Variants in KLHL13 observed in about 807,000 individuals in gnomAD.
KLHL13 encodes kelch-like protein 13.
Under a neutral mutation model 37.1 loss-of-function variants are expected in KLHL13, and 10 were observed. That is an observed-to-expected ratio of 0.27 (90% confidence interval 0.17 to 0.46). The LOEUF (loss-of-function observed/expected upper bound fraction) is 0.46. Ranked by LOEUF, KLHL13 falls within the 20% of genes least tolerant of loss-of-function variation. The probability of loss-of-function intolerance (pLI) is 1.00; values close to 1 mark genes in which losing one functional copy is unlikely to be tolerated. For synonymous variants in KLHL13, 163 were observed against 181.2 expected (o/e 0.90, Z 0.81); for missense variants, 360 against 509.3 (o/e 0.71, Z 2.82).
chrX:117,908,066 A>ATTAT (rs78358758), intron 5 of KLHL13, among the ~76,000 whole-genome samples: 6,227 of 99,139 alleles, frequency 0.063, 234 homozygotes, highest in African/African-American at 0.069. Context: ...CTACAAGGAC[A>ATTAT]TTATTTATTT....
intron 1 of KLHL13, among the ~76,000 whole-genome samples, chrX:118,079,373 A>T (rs1257869409): frequency 5.4e-5 from 6 of 110,902 alleles, no homozygotes; most frequent in Non-Finnish European, 1.1e-4. Context: ...TGATGATATA[A>T]TTCTATTATT....
chrX:118,046,043 CA>C (rs1157611881), intron 1 of KLHL13, among the ~76,000 whole-genome samples: 2 of 111,829 alleles, frequency 1.8e-5, no homozygotes, highest in Non-Finnish European at 3.8e-5. Flanking sequence ...CTGCTAATTA[CA>C]AACCCCAAAG....
intron 1 of KLHL13, among the ~76,000 whole-genome samples, chrX:118,094,675 G>C (rs1427776414): frequency 2.7e-5 from 3 of 111,823 alleles, no homozygotes; most frequent in South Asian, 7.6e-4. Context: ...AAGCCCATCA[G>C]ACTAACAGCT....
intron 1 of KLHL13, among the ~76,000 whole-genome samples, chrX:118,052,565 C>A (rs1199265754): frequency 9.5e-6 from 1 of 105,544 alleles, no homozygotes; most frequent in East Asian, 3.0e-4. Context: ...CAGTGGCTCA[C>A]GCCTGTAATC....
At chrX:117,926,824 G>C (rs1250842498) in intron 2 of KLHL13, among the ~76,000 whole-genome samples, 2 of 97,000 alleles carry the variant, frequency 2.1e-5, no homozygotes, top group African/African-American at 7.5e-5. Context: ...AGGGCATCAC[G>C]TAAGCTGGAA....
chrX:118,012,695 C>T (rs866805474), intron 1 of KLHL13, among the ~76,000 whole-genome samples: 2 of 8,967 alleles, frequency 2.2e-4, no homozygotes, highest in East Asian at 3.3e-3. Flanking sequence ...GGGCAGGGGG[C>T]GGGGGTATTC....
At chrX:117,925,654 C>T (rs1931968597) in intron 2 of KLHL13, among the ~76,000 whole-genome samples, 1 of 112,096 alleles carries the variant, frequency 8.9e-6, no homozygotes, top group Non-Finnish European at 1.9e-5. Context: ...AACGTAAAGA[C>T]TTTCCATCAC....
intron 1 of KLHL13, among the ~76,000 whole-genome samples, chrX:118,003,159 C>T (rs1477832293): frequency 3.6e-5 from 4 of 112,291 alleles, no homozygotes; most frequent in South Asian, 3.7e-4. Flanking sequence ...TGTTCCTAAC[C>T]CTAAATAACC....
chrX:117,979,052 T>C (rs2053629227), intron 1 of KLHL13, among the ~76,000 whole-genome samples: 1 of 111,139 alleles, frequency 9.0e-6, no homozygotes, highest in Non-Finnish European at 1.9e-5. Flanking sequence ...TGCCTCAGCC[T>C]CCCAAAGAGC....
chrX:118,003,390 G>A (rs191048564), intron 1 of KLHL13, among the ~76,000 whole-genome samples: 1,578 of 111,087 alleles, frequency 0.014, 20 homozygotes, highest in Non-Finnish European at 0.021. Flanking sequence ...TTTGCTGATA[G>A]TTTATATTTA....
intron 1 of KLHL13, among the ~76,000 whole-genome samples, chrX:117,989,421 T>C (rs1371343578): frequency 9.3e-6 from 1 of 108,064 alleles, no homozygotes; most frequent in South Asian, 4.0e-4. Context: ...TTAATATTTA[T>C]ATTAATATTC....
chrX:118,059,502 G>A (rs915855057), intron 1 of KLHL13, among the ~76,000 whole-genome samples: 3 of 111,423 alleles, frequency 2.7e-5, no homozygotes, highest in Non-Finnish European at 3.8e-5. Context: ...CATTTTAAGC[G>A]ATTTGGGGGC....
At chrX:117,943,173 T>C (rs951285729) in intron 2 of KLHL13, among the ~76,000 whole-genome samples, 1 of 112,070 alleles carries the variant, frequency 8.9e-6, no homozygotes, top group Non-Finnish European at 1.9e-5. Flanking sequence ...TTCTGCCTTG[T>C]AGGGTTTCTG....
intron 1 of KLHL13, among the ~76,000 whole-genome samples, chrX:118,007,392 A>AG (rs1264227824): frequency 2.0e-4 from 21 of 103,978 alleles, no homozygotes; most frequent in Admixed American, 9.2e-4. Flanking sequence ...AAAAAAAAAA[A>AG]AGAGAGAGAG....
chrX:117,920,416 G>A (rs780979195), intron 2 of KLHL13, 46 bp from the exon 4 acceptor site: 1 of 1,163,190 alleles, frequency 8.6e-7, no homozygotes, highest in South Asian at 1.9e-5. Context: ...GTAAAATGAG[G>A]TTACAAATCT....
chrX:117,979,568 A>G (rs753274720), intron 1 of KLHL13, among the ~76,000 whole-genome samples: 19 of 111,696 alleles, frequency 1.7e-4, no homozygotes, highest in Admixed American at 2.9e-4. Flanking sequence ...AAATTTATAA[A>G]CAGAGGAGTG....
intron 1 of KLHL13, among the ~76,000 whole-genome samples, chrX:118,098,146 T>C (rs772444593): frequency 0.04 from 4,433 of 111,393 alleles, 222 homozygotes; most frequent in African/African-American, 0.14. Flanking sequence ...ACAGGCAACC[T>C]ACAGAATGGG....
At chrX:117,948,215 T>C (rs777498408) in intron 1 of KLHL13, among the ~76,000 whole-genome samples, 1 of 111,916 alleles carries the variant, frequency 8.9e-6, no homozygotes, top group African/African-American at 3.2e-5. Context: ...ATAGAGGAAT[T>C]TACTGTCTCA....
intron 1 of KLHL13, among the ~76,000 whole-genome samples, chrX:117,967,193 T>C (rs904040929): frequency 4.5e-5 from 5 of 111,593 alleles, no homozygotes; most frequent in Admixed American, 3.8e-4. Context: ...GAACTGAGCA[T>C]TTTCTAAAAT....
Sources: gnomAD v4.1 joint callset for allele counts (sites outside exome capture counted in the v4.1 genomes callset) on GRCh38, gnomAD v4.1.1 for gene constraint, MANE v1.5 for transcripts, NCBI Gene and HGNC (gene_info 2026-07-23, HGNC 2026-07-21) for gene names.